ASB17: variants seen among roughly 807,000 people sequenced by gnomAD.
ASB17 encodes the protein ankyrin repeat and SOCS box containing 17.
ASB17 carries 26 observed loss-of-function variants against 25.7 expected under a neutral mutation model. The ratio of observed to expected loss-of-function variants is 1.01; its 90% CI spans 0.74 to 1.40. The LOEUF (loss-of-function observed/expected upper bound fraction) is 1.40, where lower values mean the gene tolerates loss of function less well. ASB17 is among the 40% of genes most tolerant of loss of function. ASB17 has a pLI of 0.00. For missense variants in ASB17, 326 were observed against 338.5 expected (o/e 0.96, Z 0.29); for synonymous variants, 128 against 121.4 (o/e 1.05, Z -0.36).
At chr1:75,922,909 A>C (rs1689267) in intron 1 of ASB17, among the ~76,000 whole-genome samples, 146,325 of 152,218 alleles carry the variant, frequency 0.96, 70,601 homozygotes, top group East Asian at 1. Flanking sequence ...ATAAAAAAAA[A>C]CAATTTATAA....
At chr1:75,927,020 C>G (rs952455599) in intron 1 of ASB17, among the ~76,000 whole-genome samples, 4 of 151,944 alleles carry the variant, frequency 2.6e-5, no homozygotes, top group African/African-American at 9.7e-5. Flanking sequence ...TTGCAAGAGT[C>G]CTTATAAGTG....
At chr1:75,922,488 CTTTTTT>C (rs3037164) in intron 1 of ASB17, 129 bp from the exon 2 acceptor site, 5,010 of 122,048 alleles carry the variant, frequency 0.041, 86 homozygotes, top group African/African-American at 0.15. Context: ...TTATATGTTT[CTTTTTT>C]TTTTTTTTTT....
chr1:75,929,374 G>A (rs1185753041), intron 1 of ASB17, among the ~76,000 whole-genome samples: 2 of 148,222 alleles, frequency 1.3e-5, no homozygotes, highest in East Asian at 2.1e-4. Context: ...ACAGGCGCCC[G>A]CCACTGCGCC....
Position 75,918,940 on chromosome 1 carries a change from C to T in ASB17, c.*12G>A. 1 of 1,594,926 alleles carries T rather than the reference C, an allele frequency of 6.3e-7. No homozygotes were observed. Among genetic ancestry groups the T allele is most frequent in the South Asian group, 1.1e-5 (1 of 90,652 alleles). On this transcript the variant is annotated 3_prime_UTR_variant, in exon 3 of 3. Coordinates refer to ENST00000284142, the MANE Select transcript of ASB17 (RefSeq NM_080868.3). ...GTAAGCATTGTTAAGGAACTTAGGA[C>T]ACTGACGTATGTTAGATTTCTAAAT... is the stretch of plus-strand genomic sequence containing the variant.
chr1:75,930,276 T>TTA (rs986570861), intron 1 of ASB17, among the ~76,000 whole-genome samples: 1 of 147,242 alleles, frequency 6.8e-6, no homozygotes, highest in African/African-American at 2.5e-5. Flanking sequence ...TTATATTTAG[T>TTA]TATATATATA....
At chr1:75,923,395 A>T (rs1232981708) in intron 1 of ASB17, among the ~76,000 whole-genome samples, 2 of 152,112 alleles carry the variant, frequency 1.3e-5, no homozygotes, top group Non-Finnish European at 2.9e-5. Flanking sequence ...TTATTTTTTT[A>T]AATGGTATAT....
intron 2 of ASB17, among the ~76,000 whole-genome samples, chr1:75,920,823 A>G (rs10873799): frequency 0.54 from 81,907 of 151,754 alleles, 23,086 homozygotes; most frequent in East Asian, 0.72. Flanking sequence ...CGCCCAGGCC[A>G]GAGTGCAGTG....
rs149522654 is a variant in ASB17 at position 75,918,983 on chromosome 1, C to G, written c.857G>C (p.Arg286Pro). ...TTCTAAATTCAGATAGTTTTGTAGA[C>G]GAGCAGGAATTAGAAGTGAAAATAT... ...DGIFSLLIPA[R>P]LQNYLNLEI The change falls in exon 3 of 3, where the codon CGT (arginine) becomes CCT (proline). Residue 286 changes from arginine to proline, a missense_variant. Coordinates refer to ENST00000284142, the MANE Select transcript of ASB17 (RefSeq NM_080868.3). 1.2e-6 allele frequency: 2 copies of G among 1,612,628 alleles called. No individual in the cohort carries two copies. The highest frequency in any genetic ancestry group is 1.1e-5 in the South Asian group (1 of 91,032).
chr1:75,930,382 C>A (rs569936139), intron 1 of ASB17, among the ~76,000 whole-genome samples: 11 of 145,500 alleles, frequency 7.6e-5, no homozygotes, highest in African/African-American at 2.5e-4. Context: ...ATATATAACA[C>A]TAGGAAAAAC....
At position 75,926,442 on chromosome 1, in the gene ASB17, G is replaced by A. The variant is rs1653174193; in HGVS notation, c.402-4083C>T. Among the ~76,000 whole-genome samples the A allele has an allele frequency of 2.0e-5, 3 of 152,204 alleles. No homozygotes were observed. In the South Asian group the frequency reaches 6.2e-4, roughly 31 times the overall value. The stretch of plus-strand genomic sequence containing the variant: ...GAAGTTAACCATTTGGATATTTCAG[G>A]GCCCTATGGCGGGAGACTGTGCCTG... On this transcript the variant is annotated intron_variant, in intron 1 of 2. Coordinates refer to ENST00000284142, the MANE Select transcript of ASB17 (RefSeq NM_080868.3).
rs748161750 is a variant in ASB17 at position 75,922,225 on chromosome 1, A to T, written c.536T>A (p.Ile179Asn). The change falls in exon 2 of 3, where the codon ATC becomes AAC. Residue 179 changes from isoleucine (I) to asparagine (N), a missense_variant. Physicochemically the swap from Ile to Asn is moderately radical, Grantham distance 149. Coordinates refer to ENST00000284142, the MANE Select transcript of ASB17 (RefSeq NM_080868.3). ...GAGTACTATTGTTAAGACAATGTTGATAGGGTTTTTTTCTCTTTCTAAGAT... is the reference window on the plus strand; with the variant it reads ...GAGTACTATTGTTAAGACAATGTTGTTAGGGTTTTTTTCTCTTTCTAAGAT... ...YGILEREKNP[I>N]NIVLTIVLYP... 3.3e-5 allele frequency: 53 copies of T among 1,613,676 alleles called. No individual in the cohort carries two copies. In the Middle Eastern group the frequency reaches 6.6e-4, roughly 20 times the overall value.
chr1:75,918,912 T>G lies in ASB17; in HGVS notation c.*40A>C, dbSNP rs1474459333. ...TTTTTATTAACTTCTAAGCCATACA[T>G]TGGTAAGCATTGTTAAGGAACTTAG... On this transcript the variant is annotated 3_prime_UTR_variant, in exon 3 of 3. Transcript: ENST00000284142. 1 of 1,490,958 alleles carries G rather than the reference T, an allele frequency of 6.7e-7. No individual in the cohort carries two copies. The highest frequency in any genetic ancestry group is 9.4e-7 in the Non-Finnish European group (1 of 1,068,580). 92.4% of individuals were successfully genotyped at this position (1,490,958 alleles called of 1,614,324 possible).
At chr1:75,927,649 A>AC (rs796520150) in intron 1 of ASB17, among the ~76,000 whole-genome samples, 222 of 150,902 alleles carry the variant, frequency 1.5e-3, no homozygotes, top group African/African-American at 5.1e-3. Context: ...TTCTCTAACC[A>AC]CCCCCCTTTA....
intron 1 of ASB17, among the ~76,000 whole-genome samples, chr1:75,924,524 G>GTA (rs1653117691): frequency 6.6e-6 from 1 of 151,880 alleles, no homozygotes. Flanking sequence ...ATACATATAT[G>GTA]TATATATATA....
chr1:75,922,488 C>CTATTTTTTTTT (rs1653057726), intron 1 of ASB17, 129 bp from the exon 2 acceptor site: 1 of 118,088 alleles, frequency 8.5e-6, no homozygotes. Context: ...TTATATGTTT[C>CTATTTTTTTTT]TTTTTTTTTT....
At chr1:75,930,110 G>A (rs1443130582) in intron 1 of ASB17, among the ~76,000 whole-genome samples, 3 of 150,736 alleles carry the variant, frequency 2.0e-5, no homozygotes, top group African/African-American at 7.3e-5. Flanking sequence ...GATTTTGAGA[G>A]TCATTGGCAT....
In ASB17 at chr1:75,922,274, A is replaced by C; in HGVS notation, c.487T>G (p.Phe163Val). Residue 163 changes from phenylalanine (F) to valine (V), a missense_variant, in exon 2 of 3, where the codon TTC (phenylalanine) becomes GTC (valine). Coordinates refer to ENST00000284142, the MANE Select transcript of ASB17 (RefSeq NM_080868.3). ...YVAQTRQSNI[F>V]KILLQYGILE... ...ATTCCATATTGCAGTAGTATTTTGA[A>C]GATATTAGACTGTCTTGTCTGAGCT... 6.2e-7 allele frequency: 1 copy of C among 1,613,306 alleles called. No homozygotes were observed. The highest frequency in any genetic ancestry group is 8.5e-7 in the Non-Finnish European group (1 of 1,179,498).
intron 1 of ASB17, among the ~76,000 whole-genome samples, chr1:75,923,974 G>C (rs1653100454): frequency 6.6e-6 from 1 of 152,024 alleles, no homozygotes; most frequent in Non-Finnish European, 1.5e-5. Flanking sequence ...GAAAACACAA[G>C]AAATTGCATA....
chr1:75,920,822 C>T (rs1192928515), intron 2 of ASB17, among the ~76,000 whole-genome samples: 4 of 151,894 alleles, frequency 2.6e-5, no homozygotes, highest in East Asian at 1.9e-4. Context: ...TCGCCCAGGC[C>T]AGAGTGCAGT....
Sources: gnomAD v4.1 joint callset for allele counts (sites outside exome capture counted in the v4.1 genomes callset) on GRCh38, gnomAD v4.1.1 for gene constraint, MANE v1.5 for transcripts, NCBI Gene and HGNC (gene_info 2026-07-23, HGNC 2026-07-21) for gene names.